The following FAM118B variants were observed in gnomAD, a reference collection of about 807,000 sequenced individuals.
FAM118B encodes the protein protein FAM118B.
Under a neutral mutation model 38.5 loss-of-function variants are expected in FAM118B, and 24 were observed. That is an observed-to-expected ratio of 0.62 (90% CI 0.45 to 0.88). The LOEUF (loss-of-function observed/expected upper bound fraction) is 0.88. FAM118B is among the 40% of genes least tolerant of loss of function. The pLI is 0.00. For missense variants in FAM118B, 334 were observed against 420.0 expected, an observed-to-expected ratio of 0.80 and a Z score of 1.79; for synonymous variants, 138 against 156.3, an observed-to-expected ratio of 0.88 and a Z score of 0.87.
chr11:126,214,733 GA>G (rs1408580818), intron 1 of FAM118B, among the ~76,000 whole-genome samples: 1 of 151,624 alleles, frequency 6.6e-6, no homozygotes, highest in Non-Finnish European at 1.5e-5. Flanking sequence ...TATTTACATT[GA>G]TTTTGATATA....
chr11:126,237,533 T>G (rs1950292631), intron 3 of FAM118B, among the ~76,000 whole-genome samples: 1 of 136,966 alleles, frequency 7.3e-6, no homozygotes, highest in African/African-American at 2.6e-5. Flanking sequence ...CCACCCCACC[T>G]GGCCAATTTT....
intron 1 of FAM118B, among the ~76,000 whole-genome samples, chr11:126,213,042 C>T (rs1314459491): frequency 1.3e-5 from 2 of 152,156 alleles, no homozygotes; most frequent in African/African-American, 2.4e-5. Flanking sequence ...TCCCCCTACA[C>T]TGTAACTCCT....
rs1352848385 is a variant in FAM118B at position 126,211,797 on chromosome 11, T to C, written c.-110T>C. On this transcript the variant is annotated 5_prime_UTR_variant, in exon 1 of 9. Coordinates refer to ENST00000533050, the MANE Select transcript of FAM118B (RefSeq NM_024556.4). ...CAGTGCGGCTGCGCCGGCCGGTAGC[T>C]GCAGCTGGAGCAGTGGCGTTTGGAG... The C allele has an allele frequency of 6.7e-6, 5 of 750,582 alleles. No homozygotes were observed. The South Asian group carries it at 8.9e-5, about 13-fold the overall frequency. 46.5% of individuals were successfully genotyped at this position (750,582 alleles called of 1,614,324 possible).
rs963401012 is a variant in FAM118B at position 126,252,668 on chromosome 11, A to G, written c.568-1637A>G. Reference sequence around the variant, plus strand: ...TGAAGCAGGACGATCGATTGAGCTGAGGCAGTCGAGGCTACAGTGAGTTGT... The same window carrying G: ...TGAAGCAGGACGATCGATTGAGCTGGGGCAGTCGAGGCTACAGTGAGTTGT... On this transcript the variant is annotated intron_variant, in intron 5 of 8. Transcript: ENST00000533050. This position sits in a 1 kb window ranked among gnomAD's most constrained non-coding sequence, Gnocchi z 4.7. 1.3e-5 allele frequency among the ~76,000 whole-genome samples: 2 copies of G among 152,120 alleles called. No individual in the cohort carries two copies. Among genetic ancestry groups the G allele is most frequent in the Non-Finnish European group, 2.9e-5 (2 of 68,022 alleles).
chr11:126,215,980 C>T (rs1362102290), intron 1 of FAM118B, among the ~76,000 whole-genome samples: 1 of 151,710 alleles, frequency 6.6e-6, no homozygotes, highest in African/African-American at 2.4e-5. Flanking sequence ...CAGTACTGCA[C>T]TCCAGCCTGG....
rs368771829 is a variant in FAM118B at position 126,256,891 on chromosome 11, A to G, written c.982+39A>G. 1.5e-5 allele frequency: 24 copies of G among 1,566,332 alleles called. No homozygotes were observed. The highest frequency in any genetic ancestry group is 2.1e-5 in the Non-Finnish European group (24 of 1,152,540). On this transcript the variant is annotated intron_variant, in intron 7 of 8. Transcript: ENST00000533050. This position sits in a 1 kb window ranked among gnomAD's most constrained non-coding sequence, Gnocchi z 6.6. ...TGAAGCTGAGGGGAATCAGAGAACA[A>G]CAGCTCTTCAGCCTTTTGTGTATTT... is the stretch of plus-strand genomic sequence containing the variant.
chr11:126,237,370 T>G (rs1591514132), intron 3 of FAM118B, among the ~76,000 whole-genome samples: 1 of 149,686 alleles, frequency 6.7e-6, no homozygotes, highest in Non-Finnish European at 1.5e-5. Context: ...ACAAACGTGC[T>G]CTACCACACC....
At chr11:126,224,710 A>G (rs540443991) in intron 1 of FAM118B, among the ~76,000 whole-genome samples, 41 of 152,348 alleles carry the variant, frequency 2.7e-4, no homozygotes, top group African/African-American at 9.1e-4. Context: ...GGAATGATCT[A>G]TGCAAAGGAA....
In FAM118B at chr11:126,262,190, G is replaced by A. The variant is rs1950715404; in HGVS notation, c.*57G>A. 10 of 1,582,432 alleles carry A rather than the reference G, an allele frequency of 6.3e-6. No homozygotes were observed. In the East Asian group the frequency reaches 1.6e-4, roughly 25 times the overall value. On this transcript the variant is annotated 3_prime_UTR_variant, in exon 9 of 9. Coordinates refer to ENST00000533050, the MANE Select transcript of FAM118B (RefSeq NM_024556.4). ...AAGCTGTAAGGCCCTACTACAGACA[G>A]TGTTTAACAAGTAAACTTACAAGAA...
In FAM118B at chr11:126,252,875, G is replaced by A. The variant is rs1198789988; in HGVS notation, c.568-1430G>A. Among the ~76,000 whole-genome samples, 1 of 151,892 alleles carries A rather than the reference G, an allele frequency of 6.6e-6. No individual in the cohort carries two copies. The highest frequency in any genetic ancestry group is 1.5e-5 in the Non-Finnish European group (1 of 67,960). ...CATGGTGAAACCCCGTCTTTACTAA[G>A]AATACAAAAACTAGCTGGGAGTGGT... is the stretch of plus-strand genomic sequence containing the variant. On this transcript the variant is annotated intron_variant, in intron 5 of 8. Coordinates refer to ENST00000533050, the MANE Select transcript of FAM118B (RefSeq NM_024556.4). This position sits in a 1 kb window ranked among gnomAD's most constrained non-coding sequence, Gnocchi z 4.7.
chr11:126,241,027 A>G lies in FAM118B; in HGVS notation c.322A>G (p.Ile108Val). The change falls in exon 4 of 9, where the codon ATC becomes GTC. Residue 108 changes from isoleucine to valine, a missense_variant. Coordinates refer to ENST00000533050, the MANE Select transcript of FAM118B (RefSeq NM_024556.4). ...CCTGGTCCATGTTGCCCATGACCTT[A>G]TCCAGAAACTCTCTCCTGTGAGTAC... ...KNLVHVAHDL[I>V]QKLSPRTSNV... 1.9e-6 allele frequency: 3 copies of G among 1,600,044 alleles called. No homozygotes were observed. Among genetic ancestry groups the G allele is most frequent in the Non-Finnish European group, 2.6e-6 (3 of 1,172,432 alleles).
At chr11:126,223,325 G>A (rs1950091168) in intron 1 of FAM118B, among the ~76,000 whole-genome samples, 1 of 152,204 alleles carries the variant, frequency 6.6e-6, no homozygotes, top group Admixed American at 6.5e-5. Context: ...CTGGGGCCGG[G>A]TGTGGTGGCT....
intron 3 of FAM118B, among the ~76,000 whole-genome samples, chr11:126,236,048 G>A (rs1950270563): frequency 6.6e-6 from 1 of 152,168 alleles, no homozygotes; most frequent in South Asian, 2.1e-4. Context: ...GCTGGTTTGT[G>A]TCATGGATTC....
Position 126,250,970 on chromosome 11 carries a change from T to C in FAM118B, c.567+237T>C, listed in dbSNP as rs761141141. ...TGACTCTTGACAATTTCATCCAGTT[T>C]TAAAGCAAGATTAGAGGAAGTCACT... is the stretch of plus-strand genomic sequence containing the variant. On this transcript the variant is annotated intron_variant, in intron 5 of 8. Transcript: ENST00000533050. This position sits in a 1 kb window ranked among gnomAD's most constrained non-coding sequence, Gnocchi z 5.1. Among the ~76,000 whole-genome samples, 1 of 152,246 alleles carries C rather than the reference T, an allele frequency of 6.6e-6. No homozygotes were observed. The highest frequency in any genetic ancestry group is 6.5e-5 in the Admixed American group (1 of 15,278).
chr11:126,252,646 AGCAG>A lies in FAM118B; in HGVS notation c.568-1657_568-1654del, dbSNP rs1950520428. ...TGGTCCCAGCTACTTGGGAGGCTGA[AGCAG>A]GACGATCGATTGAGCTGAGGCAGTC... On this transcript the variant is annotated intron_variant, in intron 5 of 8. Coordinates refer to ENST00000533050, the MANE Select transcript of FAM118B (RefSeq NM_024556.4). The surrounding 1 kb of genome is among the most constrained non-coding windows in gnomAD (Gnocchi z 4.7). Among the ~76,000 whole-genome samples, 1 of 151,802 alleles carries A rather than the reference AGCAG, an allele frequency of 6.6e-6. No homozygotes were observed. Among genetic ancestry groups the A allele is most frequent in the African/African-American group, 2.4e-5 (1 of 41,310 alleles).
chr11:126,261,898 G>A (rs1313340288), intron 8 of FAM118B, among the ~76,000 whole-genome samples: 1 of 152,174 alleles, frequency 6.6e-6, no homozygotes, highest in African/African-American at 2.4e-5. Context: ...GAGGTAGGAG[G>A]ATTGCTTGAG....
At position 126,240,999 on chromosome 11, in the gene FAM118B, G is replaced by A; in HGVS notation, c.294G>A (p.Lys98=). 1 of 1,613,652 alleles carries A rather than the reference G, an allele frequency of 6.2e-7. No homozygotes were observed. Among genetic ancestry groups the A allele is most frequent in the Non-Finnish European group, 8.5e-7 (1 of 1,179,776 alleles). The change falls in exon 4 of 9, where the codon AAG becomes AAA. Residue 98 remains lysine (K), a synonymous_variant. Coordinates refer to ENST00000533050, the MANE Select transcript of FAM118B (RefSeq NM_024556.4). ...KKFQKCLHED[K]NLVHVAHDLI... is the part of the protein sequence containing the mutation. ...TTCAGAAATGTCTCCATGAAGACAA[G>A]AACCTGGTCCATGTTGCCCATGACC... is the stretch of plus-strand genomic sequence containing the variant.
At chr11:126,242,312 G>A (rs576963459) in intron 4 of FAM118B, among the ~76,000 whole-genome samples, 88 of 152,234 alleles carry the variant, frequency 5.8e-4, no homozygotes, top group African/African-American at 1.9e-3. Context: ...AAAGTGAGCC[G>A]GGGATGGTGG....
chr11:126,232,496 T>A (rs1348467199), intron 2 of FAM118B, among the ~76,000 whole-genome samples: 1 of 152,162 alleles, frequency 6.6e-6, no homozygotes, highest in Admixed American at 6.6e-5. Context: ...ATTCTGAAGA[T>A]GTCCATCTTC....
Sources: gnomAD v4.1 joint callset for allele counts (sites outside exome capture counted in the v4.1 genomes callset) on GRCh38, gnomAD v4.1.1 for gene constraint, Gnocchi (gnomAD v3.1) non-coding constraint, MANE v1.5 for transcripts, NCBI Gene and HGNC (gene_info 2026-07-23, HGNC 2026-07-21) for gene names.